Variants in PCDHAC1 observed in about 807,000 individuals in gnomAD.
PCDHAC1 encodes the protein protocadherin alpha subfamily C, 1, also known as protocadherin alpha-C1.
Under a neutral mutation model 60.0 loss-of-function variants are expected in PCDHAC1, and 42 were observed. The observed-to-expected ratio is 0.70, with a 90% CI of 0.55 to 0.90. The LOEUF (loss-of-function observed/expected upper bound fraction) is 0.90. PCDHAC1 is among the 40% of genes least tolerant of loss of function. PCDHAC1 has a pLI of 0.00. For synonymous variants in PCDHAC1, 468 were observed against 499.3 expected (o/e 0.94, Z 0.84); for missense variants, 1,160 against 1,222.3 (o/e 0.95, Z 0.76).
intron 3 of PCDHAC1, among the ~76,000 whole-genome samples, chr5:141,007,904 T>C (rs1397513381): frequency 6.6e-6 from 1 of 152,278 alleles, no homozygotes; most frequent in African/African-American, 2.4e-5. Flanking sequence ...TTGTTCTTTG[T>C]TGAAGATGCT....
chr5:140,966,934 G>C (rs782780798), intron 1 of PCDHAC1: 3 of 1,604,080 alleles, frequency 1.9e-6, no homozygotes, highest in Non-Finnish European at 2.5e-6. Flanking sequence ...CACCCGGCGC[G>C]CTCGTGGGCA....
At chr5:140,947,059 A>G (rs1297447274) in intron 1 of PCDHAC1, among the ~76,000 whole-genome samples, 2 of 151,742 alleles carry the variant, frequency 1.3e-5, no homozygotes, top group Admixed American at 1.3e-4. Flanking sequence ...ATCATTACAC[A>G]GTGTATATAT....
intron 3 of PCDHAC1, among the ~76,000 whole-genome samples, chr5:141,008,045 CAG>C (rs1416741468): frequency 2.0e-5 from 3 of 151,924 alleles, no homozygotes; most frequent in South Asian, 2.1e-4. Context: ...CCTTTTGTAA[CAG>C]GGGTCCAGTC....
At chr5:140,983,997 G>A (rs1191316440) in intron 3 of PCDHAC1, among the ~76,000 whole-genome samples, 1 of 152,194 alleles carries the variant, frequency 6.6e-6, no homozygotes, top group Non-Finnish European at 1.5e-5. Context: ...CAATTCATTA[G>A]AGAGCTAATA....
chr5:140,982,089 C>A (rs2096965506), intron 2 of PCDHAC1, among the ~76,000 whole-genome samples: 1 of 152,220 alleles, frequency 6.6e-6, no homozygotes, highest in Non-Finnish European at 1.5e-5. Context: ...AACCTAGGAA[C>A]AAGAGAACCT....
intron 1 of PCDHAC1, chr5:140,967,813 C>T (rs12153295): frequency 0.14 from 229,585 of 1,614,060 alleles, 17,281 homozygotes; most frequent in Middle Eastern, 0.18. Context: ...CAGGTCACTG[C>T]AAGGTGCTGG....
At chr5:140,985,818 C>T (rs1377098916) in intron 3 of PCDHAC1, among the ~76,000 whole-genome samples, 1 of 142,038 alleles carries the variant, frequency 7.0e-6, no homozygotes, top group Non-Finnish European at 1.5e-5. Flanking sequence ...CAGCTCACAA[C>T]AAGCTCTGCC....
At chr5:140,943,136 T>A (rs1554215378) in intron 1 of PCDHAC1, among the ~76,000 whole-genome samples, 1 of 151,240 alleles carries the variant, frequency 6.6e-6, no homozygotes, top group Non-Finnish European at 1.5e-5. Flanking sequence ...TGGGTGCCTG[T>A]AGTCCCAGCT....
intron 3 of PCDHAC1, among the ~76,000 whole-genome samples, chr5:141,007,754 T>C (rs991882656): frequency 6.6e-6 from 1 of 152,172 alleles, no homozygotes; most frequent in African/African-American, 2.4e-5. Flanking sequence ...AACTTTGGAC[T>C]CTTATTGGCC....
intron 1 of PCDHAC1, among the ~76,000 whole-genome samples, chr5:140,970,888 A>G (rs1452967166): frequency 6.6e-6 from 1 of 152,154 alleles, no homozygotes; most frequent in Non-Finnish European, 1.5e-5. Flanking sequence ...TTTCTCATGG[A>G]CATTTCAGAT....
chr5:140,985,170 C>T (rs1465909141), intron 3 of PCDHAC1, among the ~76,000 whole-genome samples: 12 of 152,168 alleles, frequency 7.9e-5, no homozygotes, highest in African/African-American at 2.9e-4. Flanking sequence ...ATCTCCTGAC[C>T]TCGTAATCCG....
chr5:140,928,189 G>A lies in PCDHAC1; in HGVS notation c.1297G>A (p.Val433Met), dbSNP rs1563102575. Residue 433 changes from valine to methionine, a missense_variant, in exon 1 of 4, where the codon GTG becomes ATG. Physicochemically the swap from Val to Met is conservative, Grantham distance 21. This residue lies in a region of PCDHAC1 where 1,113 missense variants were observed against 1,163.7 expected (regional missense o/e 0.96). Coordinates refer to ENST00000253807, the MANE Select transcript of PCDHAC1 (RefSeq NM_018898.5). The part of the protein sequence containing the change: ...PPLSTRRTIT[V>M]SVADVNDNTP... ...ACTTAGCACCCGAAGGACAATCACT[G>A]TGTCAGTTGCTGATGTGAATGACAA... 4 of 1,614,214 alleles carry A rather than the reference G, an allele frequency of 2.5e-6. No homozygotes were observed. The highest frequency in any genetic ancestry group is 3.4e-6 in the Non-Finnish European group (4 of 1,180,030).
Position 140,927,792 on chromosome 5 carries a change from T to C in PCDHAC1, c.900T>C (p.Gly300=), listed in dbSNP as rs12522306. Residue 300 remains glycine, a synonymous_variant, in exon 1 of 4, where the codon GGT becomes GGC. Coordinates refer to ENST00000253807, the MANE Select transcript of PCDHAC1 (RefSeq NM_018898.5). ...SGEVQVAASL[G]PPETLLEAYI... The stretch of plus-strand genomic sequence containing the variant: ...AGGTGCAAGTAGCTGCTTCACTAGG[T>C]CCGCCTGAAACGCTCTTGGAGGCAT... 8,419 of 1,614,148 alleles carry C rather than the reference T, an allele frequency of 5.2e-3. 630 individuals carry two copies. The Admixed American group carries it at 0.13, about 25-fold the overall frequency.
rs1554203816 is a variant in PCDHAC1 at position 140,926,925 on chromosome 5, G to C, written c.33G>C (p.Leu11Phe). 1 of 1,574,118 alleles carries C rather than the reference G, an allele frequency of 6.4e-7. No individual in the cohort carries two copies. The highest frequency in any genetic ancestry group is 1.2e-5 in the South Asian group (1 of 84,676). ...GCTGTGGGGTGGCAGTTTTATGTTT[G>C]TGGGTTTCCTGCGGCGCTGCAGCGG... MVGCGVAVLC[L>F]WVSCGAAAGQ... The change falls in exon 1 of 4, where the codon TTG (leucine) becomes TTC (phenylalanine). Residue 11 changes from leucine to phenylalanine, a missense_variant. By Grantham distance (22) the Leu-to-Phe change is conservative. Around this residue, in one of 3 missense-constraint regions of PCDHAC1, gnomAD observed 43 missense variants for 40.4 expected, o/e 1.06. Transcript: ENST00000253807.
chr5:140,927,290 T>C lies in PCDHAC1; in HGVS notation c.398T>C (p.Ile133Thr). Residue 133 changes from isoleucine to threonine, a missense_variant, in exon 1 of 4, where the codon ATC becomes ACC. This residue lies in a region of PCDHAC1 where 1,113 missense variants were observed against 1,163.7 expected (regional missense o/e 0.96). Transcript: ENST00000253807. ...CCTGCCGGCGACGTGCAGCTGCACA[T>C]CCCCGAGTTCCTGACGCCCGGAGCC... ...LFPAGDVQLHIPEFLTPGARF... is the reference protein window; with the variant it reads ...LFPAGDVQLHTPEFLTPGARF... The C allele has an allele frequency of 6.2e-7, 1 of 1,614,054 alleles. No homozygotes were observed. Among genetic ancestry groups the C allele is most frequent in the South Asian group, 1.1e-5 (1 of 91,072 alleles).
At position 141,011,371 on chromosome 5, in the gene PCDHAC1, G is replaced by A. The variant is rs782444449; in HGVS notation, c.*1434G>A. 6.5e-6 allele frequency: 1 copy of A among 153,724 alleles called. No homozygotes were observed. The highest frequency in any genetic ancestry group is 1.5e-5 in the Non-Finnish European group (1 of 68,022). 9.5% of individuals were successfully genotyped at this position (153,724 alleles called of 1,614,324 possible). On this transcript the variant is annotated 3_prime_UTR_variant, in exon 4 of 4. Transcript: ENST00000253807. ...CTCCCATATGTATGCTGTATGCTAT[G>A]CTAAGACTCCTGAAATATACTTACT...
chr5:140,939,379 A>C (rs1554212694), intron 1 of PCDHAC1, among the ~76,000 whole-genome samples: 1 of 152,170 alleles, frequency 6.6e-6, no homozygotes, highest in Non-Finnish European at 1.5e-5. Flanking sequence ...GAACACAAAC[A>C]TTCAGATCAT....
At chr5:140,943,326 G>A (rs1407826029) in intron 1 of PCDHAC1, among the ~76,000 whole-genome samples, 10 of 149,948 alleles carry the variant, frequency 6.7e-5, no homozygotes, top group African/African-American at 2.5e-4. Flanking sequence ...ATATTGTGTA[G>A]TATCCATTGG....
intron 1 of PCDHAC1, among the ~76,000 whole-genome samples, chr5:140,934,619 C>G (rs1403192448): frequency 1.3e-5 from 2 of 152,028 alleles, no homozygotes; most frequent in Non-Finnish European, 2.9e-5. Flanking sequence ...GCCTGAGGTA[C>G]AGTTCACACA....
Sources: allele counts gnomAD v4.1 joint callset (sites outside exome capture counted in the v4.1 genomes callset), GRCh38; gene constraint gnomAD v4.1.1; regional missense constraint gnomAD v4.1.1; transcripts MANE v1.5; gene names NCBI Gene and HGNC (gene_info 2026-07-23, HGNC 2026-07-21).